Variants in ALPK2 observed in about 807,000 individuals in gnomAD.
The protein encoded by ALPK2 is alpha-protein kinase 2.
ALPK2 carries 127 observed loss-of-function variants against 163.1 expected under a neutral mutation model. The observed-to-expected ratio is 0.78, with a 90% CI of 0.67 to 0.90. ALPK2 has a LOEUF of 0.90. ALPK2 is among the 40% of genes least tolerant of loss of function. The pLI, the probability that ALPK2 is intolerant of heterozygous loss-of-function variation, is 0.00. For synonymous variants in ALPK2, 953 were observed against 959.1 expected (o/e 0.99, Z 0.12); for missense variants, 2,360 against 2,589.6 (o/e 0.91, Z 1.92).
intron 10 of ALPK2, among the ~76,000 whole-genome samples, chr18:58,514,090 A>G (rs2051508612): frequency 6.6e-6 from 1 of 152,178 alleles, no homozygotes; most frequent in African/African-American, 2.4e-5. Flanking sequence ...CATATCATGA[A>G]AGCTTAACTC....
In ALPK2 at chr18:58,538,319, C is replaced by T. The variant is rs9962964; in HGVS notation, c.1963-95G>A. On this transcript the variant is annotated intron_variant, in intron 4 of 12. Transcript: ENST00000361673. The stretch of plus-strand genomic sequence containing the variant: ...CCCAAGAGTGTTAATCCTCAATGAC[C>T]GTAATAATGGACAAGAATGATTGAA... 528,571 of 1,052,358 alleles carry T rather than the reference C, an allele frequency of 0.5. 136,764 individuals are homozygous for T. The highest frequency in any genetic ancestry group is 0.54 in the Non-Finnish European group (391,558 of 725,726). 65.2% of individuals were successfully genotyped at this position (1,052,358 alleles called of 1,614,324 possible).
chr18:58,505,730 T>A (rs957325723), intron 10 of ALPK2, among the ~76,000 whole-genome samples: 10 of 151,910 alleles, frequency 6.6e-5, no homozygotes, highest in African/African-American at 2.4e-4. Flanking sequence ...CCCCTCCCAT[T>A]CTCTCTTAAG....
chr18:58,606,889 G>A lies in ALPK2; in HGVS notation c.227+433C>T, dbSNP rs140017757. Among the ~76,000 whole-genome samples, 831 of 152,274 alleles carry A rather than the reference G, an allele frequency of 5.5e-3. 9 individuals are homozygous for A. Among genetic ancestry groups the A allele is most frequent in the African/African-American group, 0.019 (784 of 41,546 alleles). The stretch of plus-strand genomic sequence containing the variant: ...TACTACTTCCTAAAATAAAGCCAGG[G>A]GGTATGGTTTCTAGCCTGAACTCCA... On this transcript the variant is annotated intron_variant, in intron 3 of 12. Coordinates refer to ENST00000361673, the MANE Select transcript of ALPK2 (RefSeq NM_052947.4).
intron 4 of ALPK2, among the ~76,000 whole-genome samples, chr18:58,571,890 C>T (rs1452853932): frequency 2.1e-5 from 3 of 144,840 alleles, no homozygotes; most frequent in Non-Finnish European, 4.5e-5. Context: ...GCAGGAGAAT[C>T]GCTTGAACCT....
At chr18:58,590,176 C>G (rs559446045) in intron 3 of ALPK2, among the ~76,000 whole-genome samples, 1 of 146,494 alleles carries the variant, frequency 6.8e-6, no homozygotes, top group Non-Finnish European at 1.5e-5. Context: ...GCTGAGATTG[C>G]ACCACTGCAC....
chr18:58,551,270 G>T (rs1302156583), intron 4 of ALPK2, among the ~76,000 whole-genome samples: 2 of 152,156 alleles, frequency 1.3e-5, no homozygotes, highest in Non-Finnish European at 2.9e-5. Context: ...TGCATTCAAG[G>T]TGTCGCCAGG....
chr18:58,500,749 C>T (rs2051427565), intron 11 of ALPK2, among the ~76,000 whole-genome samples: 1 of 149,096 alleles, frequency 6.7e-6, no homozygotes, highest in Non-Finnish European at 1.5e-5. Flanking sequence ...CATGGTGAAA[C>T]CCCGTCTCTA....
chr18:58,603,787 A>C, intron 3 of ALPK2, among the ~76,000 whole-genome samples: 1 of 150,728 alleles, frequency 6.6e-6, no homozygotes, highest in African/African-American at 2.4e-5. Flanking sequence ...TTTCCTCCCC[A>C]CTCCCCAACT....
At chr18:58,500,058 C>T (rs2051423651) in intron 11 of ALPK2, among the ~76,000 whole-genome samples, 1 of 152,224 alleles carries the variant, frequency 6.6e-6, no homozygotes, top group African/African-American at 2.4e-5. Context: ...GCCATGAGGC[C>T]TGCTTTTCTG....
At chr18:58,567,860 G>C (rs895718175) in intron 4 of ALPK2, among the ~76,000 whole-genome samples, 1 of 152,152 alleles carries the variant, frequency 6.6e-6, no homozygotes, top group Non-Finnish European at 1.5e-5. Flanking sequence ...CCAAGCCCGT[G>C]TGTCTAAGGG....
At position 58,504,143 on chromosome 18, in the gene ALPK2, A is replaced by G. The variant is rs1177848781; in HGVS notation, c.6035T>C (p.Ile2012Thr). The stretch of plus-strand genomic sequence containing the variant: ...AGGCCGATGGATAAGAAAAATAGGA[A>G]TGATCCTGGCAGGGAAGAGAACACA... Reference protein sequence around the residue: ...LEGFGEVPEIIPIFLIHRPEN... With the variant: ...LEGFGEVPEITPIFLIHRPEN... The change falls in exon 11 of 13, where the codon ATT (isoleucine) becomes ACT (threonine). Residue 2012 changes from isoleucine (I) to threonine (T), a missense_variant. Physicochemically the swap from Ile to Thr is moderately conservative, Grantham distance 89 (BLOSUM62 -1). Coordinates refer to ENST00000361673, the MANE Select transcript of ALPK2 (RefSeq NM_052947.4). 1 of 1,613,744 alleles carries G rather than the reference A, an allele frequency of 6.2e-7. No homozygotes were observed. The highest frequency in any genetic ancestry group is 1.7e-5 in the Admixed American group (1 of 60,020).
At chr18:58,569,196 A>G (rs1016784022) in intron 4 of ALPK2, among the ~76,000 whole-genome samples, 1 of 152,192 alleles carries the variant, frequency 6.6e-6, no homozygotes, top group Non-Finnish European at 1.5e-5. Flanking sequence ...ACAGAGACCC[A>G]GTCTTGGGGG....
chr18:58,489,767 A>C (rs2051362892), intron 12 of ALPK2, among the ~76,000 whole-genome samples: 1 of 151,998 alleles, frequency 6.6e-6, no homozygotes, highest in Admixed American at 6.6e-5. Flanking sequence ...AGACCATATG[A>C]AGTCTCACAC....
chr18:58,615,053 A>G (rs183740781), intron 1 of ALPK2, among the ~76,000 whole-genome samples: 23 of 151,290 alleles, frequency 1.5e-4, no homozygotes, highest in Middle Eastern at 6.8e-3. Context: ...GGGCTCAAGC[A>G]ATCCTCCCAC....
At chr18:58,606,183 A>G (rs763994357) in intron 3 of ALPK2, among the ~76,000 whole-genome samples, 1 of 152,176 alleles carries the variant, frequency 6.6e-6, no homozygotes. Flanking sequence ...GGCTCAAGCA[A>G]TTCTTCCACC....
intron 12 of ALPK2, among the ~76,000 whole-genome samples, chr18:58,493,775 C>T (rs1454139598): frequency 2.0e-5 from 3 of 152,108 alleles, no homozygotes; most frequent in Admixed American, 6.6e-5. Flanking sequence ...TTCCTTCCTC[C>T]GAGGGTAGAA....
intron 3 of ALPK2, among the ~76,000 whole-genome samples, chr18:58,592,664 T>G (rs1027785324): frequency 6.6e-6 from 1 of 152,182 alleles, no homozygotes; most frequent in Non-Finnish European, 1.5e-5. Flanking sequence ...TATGTGTGTG[T>G]GAACTGCAGG....
intron 6 of ALPK2, among the ~76,000 whole-genome samples, chr18:58,528,588 C>A (rs1052699000): frequency 6.6e-6 from 1 of 152,180 alleles, no homozygotes; most frequent in African/African-American, 2.4e-5. Context: ...GTTTTCCCAT[C>A]TTAGTGATGG....
At chr18:58,490,820 G>T (rs1045049214) in intron 12 of ALPK2, among the ~76,000 whole-genome samples, 1 of 152,162 alleles carries the variant, frequency 6.6e-6, no homozygotes, top group African/African-American at 2.4e-5. Flanking sequence ...CTGTGAGACA[G>T]GAGTCCCGAA....
Sources: gnomAD v4.1 joint callset for allele counts (sites outside exome capture counted in the v4.1 genomes callset) on GRCh38, gnomAD v4.1.1 for gene constraint, MANE v1.5 for transcripts, NCBI Gene and HGNC (gene_info 2026-07-23, HGNC 2026-07-21) for gene names.